Variants in CNTN4 observed in about 807,000 individuals in gnomAD.
The protein encoded by CNTN4 is contactin 4.
Under a neutral mutation model 122.5 loss-of-function variants are expected in CNTN4, and 77 were observed. The ratio of observed to expected loss-of-function variants is 0.63; its 90% CI spans 0.52 to 0.76. CNTN4 has a LOEUF of 0.76. CNTN4 is among the 30% of genes least tolerant of loss of function. The probability of loss-of-function intolerance (pLI) is 0.00; values close to 1 mark genes in which losing one functional copy is unlikely to be tolerated. For missense variants in CNTN4, 1,256 were observed against 1,259.1 expected (o/e 1.00, Z 0.04); for synonymous variants, 512 against 447.0 (o/e 1.15, Z -1.83).
chr3:3,048,556 G>A (rs1700922244), intron 23 of CNTN4, among the ~76,000 whole-genome samples: 1 of 151,898 alleles, frequency 6.6e-6, no homozygotes, highest in Non-Finnish European at 1.5e-5. Flanking sequence ...ATTTGTGTGT[G>A]TGTATGTGTG....
chr3:2,786,610 A>AT (rs894552971), intron 6 of CNTN4, among the ~76,000 whole-genome samples: 1 of 152,190 alleles, frequency 6.6e-6, no homozygotes, highest in African/African-American at 2.4e-5. Context: ...CCATCTCCTG[A>AT]TTACCTGAAA....
chr3:2,604,145 A>C (rs766533568), intron 4 of CNTN4, among the ~76,000 whole-genome samples: 1 of 152,180 alleles, frequency 6.6e-6, no homozygotes, highest in East Asian at 1.9e-4. Context: ...AGAAAGTAGG[A>C]TTCTACCATA....
At chr3:2,458,867 C>T (rs2049096912) in intron 3 of CNTN4, among the ~76,000 whole-genome samples, 1 of 152,072 alleles carries the variant, frequency 6.6e-6, no homozygotes, top group South Asian at 2.1e-4. Flanking sequence ...ATCAAACTTC[C>T]CCAAGCACAT....
At chr3:2,347,609 C>T (rs940973170) in intron 3 of CNTN4, among the ~76,000 whole-genome samples, 2 of 151,878 alleles carry the variant, frequency 1.3e-5, no homozygotes, top group African/African-American at 4.8e-5. Flanking sequence ...AGGGTTTCAC[C>T]ATGTTGGCCA....
At chr3:2,711,914 G>A (rs377582297) in intron 4 of CNTN4, among the ~76,000 whole-genome samples, 1 of 152,074 alleles carries the variant, frequency 6.6e-6, no homozygotes, top group East Asian at 1.9e-4. Flanking sequence ...AAATATTTTT[G>A]AGCATATGAA....
At chr3:2,708,806 A>G (rs1009790803) in intron 4 of CNTN4, among the ~76,000 whole-genome samples, 3 of 152,320 alleles carry the variant, frequency 2.0e-5, no homozygotes, top group Non-Finnish European at 2.9e-5. Context: ...TCCTAGCATG[A>G]AAACATTATT....
chr3:2,928,550 G>A (rs566502258), intron 13 of CNTN4, among the ~76,000 whole-genome samples: 8 of 152,284 alleles, frequency 5.3e-5, no homozygotes, highest in African/African-American at 1.9e-4. Context: ...AATTTCTAAT[G>A]CACTGCCTCA....
intron 3 of CNTN4, among the ~76,000 whole-genome samples, chr3:2,423,618 G>C (rs1014082036): frequency 1.3e-5 from 2 of 151,316 alleles, no homozygotes; most frequent in Non-Finnish European, 2.9e-5. Flanking sequence ...CTCTGGTTTT[G>C]CTAATATTAA....
intron 7 of CNTN4, among the ~76,000 whole-genome samples, chr3:2,838,422 G>T (rs895428504): frequency 6.6e-6 from 1 of 152,072 alleles, no homozygotes; most frequent in African/African-American, 2.4e-5. Flanking sequence ...TCCAATAGAA[G>T]CTGGGAAGCA....
intron 13 of CNTN4, among the ~76,000 whole-genome samples, chr3:2,982,373 T>A (rs889605182): frequency 6.6e-6 from 1 of 152,174 alleles, no homozygotes; most frequent in Non-Finnish European, 1.5e-5. Context: ...GGCTGAAAAC[T>A]CAATTTCTAA....
chr3:2,823,027 A>G (rs2092911291), intron 7 of CNTN4, among the ~76,000 whole-genome samples: 1 of 152,250 alleles, frequency 6.6e-6, no homozygotes, highest in Non-Finnish European at 1.5e-5. Flanking sequence ...AGCATCTCAG[A>G]CATCCATCAG....
intron 12 of CNTN4, 104 bp from the exon 13 acceptor site, chr3:2,925,525 A>G (rs2094465673): frequency 1.5e-6 from 2 of 1,293,354 alleles, no homozygotes; most frequent in South Asian, 1.3e-5. Context: ...TGCACTGGCA[A>G]CAGAGCAAGA....
At chr3:2,457,074 C>T (rs927804970) in intron 3 of CNTN4, among the ~76,000 whole-genome samples, 1 of 152,056 alleles carries the variant, frequency 6.6e-6, no homozygotes, top group Non-Finnish European at 1.5e-5. Context: ...GAGCCAGGTT[C>T]CTGAGTCTGT....
intron 3 of CNTN4, among the ~76,000 whole-genome samples, chr3:2,476,780 C>G (rs1156558282): frequency 6.6e-6 from 1 of 152,138 alleles, no homozygotes; most frequent in African/African-American, 2.4e-5. Context: ...TTGAATTATA[C>G]ACTTATAACA....
chr3:2,428,717 A>G (rs1365634425), intron 3 of CNTN4, among the ~76,000 whole-genome samples: 1 of 152,134 alleles, frequency 6.6e-6, no homozygotes, highest in Non-Finnish European at 1.5e-5. Context: ...CACCAATCAG[A>G]CGTGGATTTG....
chr3:2,708,017 TTTATA>T (rs2086846687), intron 4 of CNTN4, among the ~76,000 whole-genome samples: 1 of 152,194 alleles, frequency 6.6e-6, no homozygotes, highest in African/African-American at 2.4e-5. Flanking sequence ...GATTACTTGT[TTTATA>T]TAATACCAAT....
intron 13 of CNTN4, among the ~76,000 whole-genome samples, chr3:2,980,013 G>C (rs1391577231): frequency 2.6e-5 from 4 of 152,130 alleles, no homozygotes; most frequent in Non-Finnish European, 2.9e-5. Flanking sequence ...CAAAAGAAAA[G>C]ATCAGCATTT....
chr3:2,173,988 C>G (rs1033182910), intron 2 of CNTN4, among the ~76,000 whole-genome samples: 4 of 152,028 alleles, frequency 2.6e-5, no homozygotes, highest in Admixed American at 2.6e-4. Flanking sequence ...AGAAGGGTGA[C>G]GATCTTGAGG....
In CNTN4 at chr3:2,753,028, G is replaced by A. The variant is rs184054075; in HGVS notation, c.358+7331G>A. On this transcript the variant is annotated intron_variant, in intron 6 of 24. Coordinates refer to ENST00000418658, the MANE Select transcript of CNTN4 (RefSeq NM_175607.3). ...TCTTGATCCATTCATCCATTGATGGGCACTTAGGTTGATTCCATATTTTGG... is the reference window on the plus strand; with the variant it reads ...TCTTGATCCATTCATCCATTGATGGACACTTAGGTTGATTCCATATTTTGG... Among the ~76,000 whole-genome samples, 20 of 152,204 alleles carry A rather than the reference G, an allele frequency of 1.3e-4. No homozygotes were observed. The South Asian group carries it at 3.1e-3, about 24-fold the overall frequency.
Sources: gnomAD v4.1 joint callset for allele counts (sites outside exome capture counted in the v4.1 genomes callset) on GRCh38, gnomAD v4.1.1 for gene constraint, MANE v1.5 for transcripts, NCBI Gene and HGNC (gene_info 2026-07-23, HGNC 2026-07-21) for gene names.